UNC80: variants seen among roughly 807,000 people sequenced by gnomAD.
UNC80 encodes unc-80 subunit of NALCN channel complex, also known as protein unc-80 homolog.
A neutral mutation model predicts 384.6 loss-of-function variants in UNC80; 164 were observed. That is an observed-to-expected ratio of 0.43 (90% confidence interval 0.38 to 0.49). UNC80 has a LOEUF of 0.49. UNC80 is among the 20% of genes least tolerant of loss of function. The pLI is 0.00. For synonymous variants in UNC80, 1,486 were observed against 1,527.8 expected (o/e 0.97, Z 0.64); for missense variants, 3,330 against 4,143.0 (o/e 0.80, Z 5.39).
chr2:209,949,210 G>A (rs757396659), intron 47 of UNC80, among the ~76,000 whole-genome samples: 18 of 152,096 alleles, frequency 1.2e-4, no homozygotes, highest in Non-Finnish European at 2.9e-5. Flanking sequence ...GGGAAGTTAG[G>A]AGTAGAAGAG....
At chr2:209,811,749 T>C (rs2079366697) in intron 7 of UNC80, among the ~76,000 whole-genome samples, 1 of 152,222 alleles carries the variant, frequency 6.6e-6, no homozygotes. Context: ...GACTGTAAGA[T>C]AGCATTGAAA....
In UNC80 at chr2:209,936,878, A is replaced by G. The variant is rs1371069508; in HGVS notation, c.6308A>G (p.Gln2103Arg). The G allele has an allele frequency of 1.3e-6, 2 of 1,551,096 alleles. No homozygotes were observed. Among genetic ancestry groups the G allele is most frequent in the Non-Finnish European group, 1.7e-6 (2 of 1,146,468 alleles). The part of the protein sequence containing the change: ...CLEFFNIPES[Q>R]STHYFLMDKR... ...GAGTTTTTTAATATCCCAGAATCCC[A>G]GTCAACACATTATTTTCTTATGGAT... Residue 2103 changes from glutamine to arginine, a missense_variant, in exon 41 of 65, where the codon CAG becomes CGG. This residue lies in a region of UNC80 where 1,049 missense variants were observed against 1,488.6 expected (regional missense o/e 0.70). Transcript: ENST00000673920.
intron 61 of UNC80, among the ~76,000 whole-genome samples, chr2:209,988,877 A>G (rs1219481341): frequency 6.6e-6 from 1 of 152,220 alleles, no homozygotes; most frequent in African/African-American, 2.4e-5. Context: ...TCAAAAATAT[A>G]AGAGATTATT....
At chr2:209,814,932 C>T (rs1164503744) in intron 8 of UNC80, among the ~76,000 whole-genome samples, 1 of 151,628 alleles carries the variant, frequency 6.6e-6, no homozygotes, top group Non-Finnish European at 1.5e-5. Flanking sequence ...ATCTGCTTTA[C>T]TGAATCATTC....
chr2:209,893,500 A>G lies in UNC80; in HGVS notation c.4277-663A>G, dbSNP rs1364661224. On this transcript the variant is annotated intron_variant, in intron 26 of 64. Transcript: ENST00000673920. Reference sequence around the variant, plus strand: ...ATAATGCATATTCTTCTTGGTATGCATAGACTGTTTTAAGTTTGGCTCGGG... The same window carrying G: ...ATAATGCATATTCTTCTTGGTATGCGTAGACTGTTTTAAGTTTGGCTCGGG... 2.0e-5 allele frequency among the ~76,000 whole-genome samples: 3 copies of G among 152,158 alleles called. 1 individual carries two copies. Among genetic ancestry groups the G allele is most frequent in the African/African-American group, 4.8e-5 (2 of 41,438 alleles).
At chr2:209,823,822 A>T (rs1256412780) in intron 13 of UNC80, among the ~76,000 whole-genome samples, 1 of 152,066 alleles carries the variant, frequency 6.6e-6, no homozygotes, top group East Asian at 1.9e-4. Flanking sequence ...GTCCAAGGTT[A>T]TATAGTTAGT....
chr2:209,912,811 C>A, intron 30 of UNC80, 144 bp downstream of exon 30: 1 of 588,142 alleles, frequency 1.7e-6, no homozygotes, highest in Non-Finnish European at 2.9e-6. Context: ...GCAAGAGTGC[C>A]ACCAAGTGTG....
Position 209,790,068 on chromosome 2 carries a change from A to T in UNC80, c.798+463A>T, listed in dbSNP as rs2077700009. Among the ~76,000 whole-genome samples, 3 of 152,248 alleles carry T rather than the reference A, an allele frequency of 2.0e-5. No homozygotes were observed. The South Asian group carries it at 6.2e-4, about 32-fold the overall frequency. ...TATAAGATAGTCCTACCCCTTAAGG[A>T]ATCTAAAGTTTAATGAGGGGTCAAG... On this transcript the variant is annotated intron_variant, in intron 6 of 64. Transcript: ENST00000673920.
intron 21 of UNC80, 39 bp downstream of exon 21, chr2:209,842,485 ATC>A (rs1380416517): frequency 4.9e-6 from 7 of 1,417,118 alleles, no homozygotes; most frequent in Non-Finnish European, 6.8e-6. Context: ...TTCAACTTTT[ATC>A]ACACAGAACA....
intron 13 of UNC80, among the ~76,000 whole-genome samples, chr2:209,822,123 C>G (rs1048291678): frequency 3.9e-5 from 6 of 152,186 alleles, no homozygotes; most frequent in Non-Finnish European, 7.3e-5. Context: ...TTTGTGGACT[C>G]TGATCCAAAT....
In UNC80 at chr2:209,829,372, C is replaced by G. The variant is rs1410755678; in HGVS notation, c.2619C>G (p.Val873=). ...HALLGFCMEP[V]TDNKAGFGNN... is the part of the protein sequence containing the mutation. The stretch of plus-strand genomic sequence containing the variant: ...TGCTAGGATTTTGTATGGAGCCGGT[C>G]ACTGACAGTAAGTAAAGCTGCACCC... The change falls in exon 15 of 65, where the codon GTC becomes GTG. Residue 873 remains valine, a synonymous_variant. Transcript: ENST00000673920. The G allele has an allele frequency of 6.4e-7, 1 of 1,551,034 alleles. No individual in the cohort carries two copies. The highest frequency in any genetic ancestry group is 2.0e-5 in the Admixed American group (1 of 50,966).
rs1478245481 is a variant in UNC80 at position 209,794,745 on chromosome 2, G to A, written c.938+886G>A. ...ATGAGATCTGATGGGTTTATCAGGG[G>A]TTTCCACTTTTGTCTCTTCTTCATT... On this transcript the variant is annotated intron_variant, in intron 7 of 64. Transcript: ENST00000673920. 4 of 452,678 alleles carry A rather than the reference G, an allele frequency of 8.8e-6. No homozygotes were observed. The East Asian group carries it at 2.2e-4, about 24-fold the overall frequency. 28.0% of individuals were successfully genotyped at this position (452,678 alleles called of 1,614,324 possible).
chr2:209,940,882 C>T (rs1436088306), intron 43 of UNC80, among the ~76,000 whole-genome samples: 1 of 152,092 alleles, frequency 6.6e-6, no homozygotes, highest in African/African-American at 2.4e-5. Context: ...TAGCCTCTGA[C>T]CATTAATTAA....
At chr2:209,924,889 G>A (rs1175475230) in intron 35 of UNC80, among the ~76,000 whole-genome samples, 2 of 151,684 alleles carry the variant, frequency 1.3e-5, no homozygotes, top group South Asian at 2.1e-4. Context: ...GTTCTAGATA[G>A]GTCAAGTAGT....
intron 7 of UNC80, chr2:209,809,259 C>G (rs2079154631): frequency 1.4e-6 from 1 of 732,016 alleles, no homozygotes; most frequent in African/African-American, 1.7e-5. Flanking sequence ...ACTGCCAATA[C>G]TGCAATAAGG....
At chr2:209,796,701 T>G (rs2078180343) in intron 7 of UNC80, among the ~76,000 whole-genome samples, 1 of 152,204 alleles carries the variant, frequency 6.6e-6, no homozygotes, top group African/African-American at 2.4e-5. Context: ...CTTTTGCTGC[T>G]TCTTCATTTT....
chr2:209,982,028 T>G, intron 59 of UNC80, 151 bp from the exon 60 acceptor site: 1 of 636,626 alleles, frequency 1.6e-6, no homozygotes, highest in Non-Finnish European at 2.4e-6. Context: ...CTAAGTTTTT[T>G]TATCTGTATG....
Position 209,825,893 on chromosome 2 carries a change from T to A in UNC80, c.2332-14T>A. ...TAAACAGACTTTTCTTTCTTTCTCA[T>A]TCGTGGGTACCAGGATGAAAGTACA... On this transcript the variant is annotated splice_polypyrimidine_tract_variant and intron_variant, in intron 13 of 64. Transcript: ENST00000673920. 1 of 1,520,170 alleles carries A rather than the reference T, an allele frequency of 6.6e-7. No individual in the cohort carries two copies. Among genetic ancestry groups the A allele is most frequent in the Non-Finnish European group, 8.8e-7 (1 of 1,135,082 alleles). 94.2% of individuals were successfully genotyped at this position (1,520,170 alleles called of 1,614,324 possible).
At chr2:209,818,559 A>G (rs899031901) in intron 11 of UNC80, among the ~76,000 whole-genome samples, 1 of 152,158 alleles carries the variant, frequency 6.6e-6, no homozygotes, top group African/African-American at 2.4e-5. Flanking sequence ...TACCACCACA[A>G]ATTTATTTTC....
Sources: gnomAD v4.1 joint callset for allele counts (sites outside exome capture counted in the v4.1 genomes callset) on GRCh38, gnomAD v4.1.1 for gene constraint, gnomAD v4.1.1 regional missense constraint, MANE v1.5 for transcripts, NCBI Gene and HGNC (gene_info 2026-07-23, HGNC 2026-07-21) for gene names.